Variants in TESK2 observed in about 807,000 individuals in gnomAD.
TESK2 encodes the protein dual specificity testis-specific protein kinase 2.
Under a neutral mutation model 57.1 loss-of-function variants are expected in TESK2, and 39 were observed. The ratio of observed to expected loss-of-function variants is 0.68; its 90% CI spans 0.53 to 0.89. The LOEUF (loss-of-function observed/expected upper bound fraction) is 0.89. Ranked by LOEUF, TESK2 falls within the 40% of genes least tolerant of loss-of-function variation. The pLI, the probability that TESK2 is intolerant of heterozygous loss-of-function variation, is 0.00. For synonymous variants in TESK2, 249 were observed against 267.9 expected, an observed-to-expected ratio of 0.93 and a Z score of 0.69; for missense variants, 646 against 732.1, an observed-to-expected ratio of 0.88 and a Z score of 1.36.
At position 45,421,799 on chromosome 1, in the gene TESK2, T is replaced by A; in HGVS notation, c.270A>T (p.Thr90=). The change falls in exon 3 of 11, where the codon ACA becomes ACT. Residue 90 remains threonine, a synonymous_variant. Transcript: ENST00000372086. ...SGQVMALKMN[T]LSSNRANMLK... ...GCATGTTTGCCCGGTTACTGCTCAA[T>A]GTGTTCATCTTAAGAGCCATCACCT... is the stretch of plus-strand genomic sequence containing the variant. 1.2e-6 allele frequency: 2 copies of A among 1,614,150 alleles called. No homozygotes were observed. The highest frequency in any genetic ancestry group is 1.7e-6 in the Non-Finnish European group (2 of 1,180,014).
At chr1:45,411,547 C>T (rs1650041001) in intron 3 of TESK2, among the ~76,000 whole-genome samples, 1 of 152,116 alleles carries the variant, frequency 6.6e-6, no homozygotes, top group Admixed American at 6.6e-5. Context: ...TGCTGTGTGG[C>T]CCAGTTCCTA....
chr1:45,439,347 C>T (rs2149293195), intron 2 of TESK2, among the ~76,000 whole-genome samples: 1 of 152,208 alleles, frequency 6.6e-6, no homozygotes, highest in East Asian at 1.9e-4. Flanking sequence ...TCAGTTTTCT[C>T]ATTTATGAAA....
intron 3 of TESK2, among the ~76,000 whole-genome samples, chr1:45,393,375 C>T (rs372968647): frequency 6.6e-6 from 1 of 152,154 alleles, no homozygotes; most frequent in African/African-American, 2.4e-5. Flanking sequence ...CAAATCATTC[C>T]TAATGGAAAA....
At chr1:45,361,906 T>G (rs1273971597) in intron 4 of TESK2, among the ~76,000 whole-genome samples, 4 of 152,154 alleles carry the variant, frequency 2.6e-5, no homozygotes, top group African/African-American at 9.7e-5. Flanking sequence ...GAGAAGCTGA[T>G]GTGGGAGGAT....
intron 3 of TESK2, among the ~76,000 whole-genome samples, chr1:45,419,571 C>T (rs570732074): frequency 2.0e-5 from 3 of 151,662 alleles, no homozygotes; most frequent in African/African-American, 7.3e-5. Context: ...TTTGGGAGGC[C>T]GAAGCAGGTG....
At chr1:45,407,816 A>T (rs562690107) in intron 3 of TESK2, among the ~76,000 whole-genome samples, 3 of 152,298 alleles carry the variant, frequency 2.0e-5, no homozygotes, top group African/African-American at 7.2e-5. Context: ...GTGTGTCTTT[A>T]TTAGCAGCAT....
At chr1:45,483,361 C>T (rs1467041002) in intron 1 of TESK2, among the ~76,000 whole-genome samples, 8 of 151,442 alleles carry the variant, frequency 5.3e-5, no homozygotes, top group Non-Finnish European at 1.2e-4. Context: ...TTTGGGAGGC[C>T]GAGGCAGGCG....
intron 2 of TESK2, among the ~76,000 whole-genome samples, chr1:45,453,341 C>CAAA (rs560016914): frequency 3.2e-4 from 17 of 53,052 alleles, no homozygotes; most frequent in Admixed American, 1.1e-3. Context: ...GACCCTGTCT[C>CAAA]AAAAAAAAAA....
chr1:45,462,176 C>T (rs10789463), intron 1 of TESK2, among the ~76,000 whole-genome samples: 1 of 151,920 alleles, frequency 6.6e-6, no homozygotes, highest in African/African-American at 2.4e-5. Flanking sequence ...TTCAGCAATG[C>T]GTAAGAACAT....
rs535157009 is a variant in TESK2, at chr1:45,397,062, G to A, written c.345-11102C>T. Among the ~76,000 whole-genome samples the A allele has an allele frequency of 2.3e-4, 34 of 150,274 alleles. No homozygotes were observed. The South Asian group carries it at 6.6e-3, about 29-fold the overall frequency. Reference sequence around the variant, plus strand: ...TCAAACTCCTGACCTCAAGTGATCCGCCATCCTCGGCCTCCTGAAGTGCTG... The same window carrying A: ...TCAAACTCCTGACCTCAAGTGATCCACCATCCTCGGCCTCCTGAAGTGCTG... On this transcript the variant is annotated intron_variant, in intron 3 of 10. Coordinates refer to ENST00000372086, the MANE Select transcript of TESK2 (RefSeq NM_007170.3).
At chr1:45,367,366 C>G (rs1647970806) in intron 4 of TESK2, among the ~76,000 whole-genome samples, 2 of 151,910 alleles carry the variant, frequency 1.3e-5, no homozygotes. Flanking sequence ...CATCGCCACC[C>G]ACCTAGAAAC....
At chr1:45,443,568 C>CAAAA (rs34128016) in intron 2 of TESK2, among the ~76,000 whole-genome samples, 3 of 32,018 alleles carry the variant, frequency 9.4e-5, no homozygotes, top group African/African-American at 1.2e-4. Context: ...AGATCCATCG[C>CAAAA]AAAAAAAAAA....
At chr1:45,455,867 A>AG (rs997741227) in intron 2 of TESK2, among the ~76,000 whole-genome samples, 5 of 152,112 alleles carry the variant, frequency 3.3e-5, no homozygotes, top group African/African-American at 1.2e-4. Flanking sequence ...CCAAAAAAAA[A>AG]CAAGACATGG....
intron 3 of TESK2, among the ~76,000 whole-genome samples, chr1:45,388,849 T>G (rs1365421275): frequency 3.3e-5 from 5 of 150,830 alleles, no homozygotes; most frequent in African/African-American, 1.2e-4. Flanking sequence ...GCCTCCCAAG[T>G]AGCTGGGACT....
chr1:45,419,169 G>A (rs1326027302), intron 3 of TESK2, among the ~76,000 whole-genome samples: 1 of 151,886 alleles, frequency 6.6e-6, no homozygotes, highest in Admixed American at 6.6e-5. Context: ...GTAGAGACGG[G>A]GTTTCACCAT....
chr1:45,448,316 T>C (rs184383838), intron 2 of TESK2, among the ~76,000 whole-genome samples: 173 of 150,610 alleles, frequency 1.1e-3, no homozygotes, highest in Non-Finnish European at 1.9e-3. Flanking sequence ...CCAAATAAGA[T>C]ATACAGATGG....
chr1:45,466,425 G>A (rs537582396), intron 1 of TESK2, among the ~76,000 whole-genome samples: 1 of 151,968 alleles, frequency 6.6e-6, no homozygotes, highest in Non-Finnish European at 1.5e-5. Flanking sequence ...AGTGAGCTGA[G>A]ATCGTGCCAC....
rs886668918 is a variant in TESK2 at position 45,344,829 on chromosome 1, A to T, written c.*11T>A. 4.4e-6 allele frequency: 7 copies of T among 1,603,332 alleles called. No individual in the cohort carries two copies. The highest frequency in any genetic ancestry group is 6.0e-6 in the Non-Finnish European group (7 of 1,173,246). ...GGTCCATCCCCAAGGTGAGGCAGGG[A>T]CTAAACCCCCTCACCCATCCTGCTT... On this transcript the variant is annotated 3_prime_UTR_variant, in exon 11 of 11. Transcript: ENST00000372086.
In TESK2 at chr1:45,411,321, C is replaced by T. The variant is rs746368276; in HGVS notation, c.344+10404G>A. Reference sequence around the variant, plus strand: ...GGTTTTGTGGAAGACAATTTTTCCACAGACTCGGGTGAGGGTCAGGTGGAG... The same window carrying T: ...GGTTTTGTGGAAGACAATTTTTCCATAGACTCGGGTGAGGGTCAGGTGGAG... On this transcript the variant is annotated intron_variant, in intron 3 of 10. Coordinates refer to ENST00000372086, the MANE Select transcript of TESK2 (RefSeq NM_007170.3). Among the ~76,000 whole-genome samples the T allele has an allele frequency of 4.6e-5, 7 of 152,270 alleles. No individual in the cohort carries two copies. In the East Asian group the frequency reaches 1.4e-3, roughly 29 times the overall value.
Sources: gnomAD v4.1 joint callset for allele counts (sites outside exome capture counted in the v4.1 genomes callset) on GRCh38, gnomAD v4.1.1 for gene constraint, MANE v1.5 for transcripts, NCBI Gene and HGNC (gene_info 2026-07-23, HGNC 2026-07-21) for gene names.